Variants in MAP7 observed in about 807,000 individuals in gnomAD.
MAP7 encodes the protein microtubule associated protein 7.
In MAP7, 52 loss-of-function variants were observed where a neutral mutation model predicts 94.8. The observed-to-expected ratio is 0.55, with a 90% CI of 0.44 to 0.69. The LOEUF (loss-of-function observed/expected upper bound fraction) is 0.69, where lower values mean the gene tolerates loss of function less well. Among genes scored for constraint, MAP7 ranks in the 30% least tolerant of loss-of-function variants. The probability of loss-of-function intolerance (pLI) is 0.00; values close to 1 mark genes in which losing one functional copy is unlikely to be tolerated. For missense variants in MAP7, 940 were observed against 964.6 expected, an observed-to-expected ratio of 0.97 and a Z score of 0.34; for synonymous variants, 350 against 357.0, an observed-to-expected ratio of 0.98 and a Z score of 0.22.
At chr6:136,412,495 A>G (rs1348511464) in intron 2 of MAP7, among the ~76,000 whole-genome samples, 1 of 152,228 alleles carries the variant, frequency 6.6e-6, no homozygotes, top group Admixed American at 6.5e-5. Context: ...AAGGAAATGA[A>G]GGGGATTATG....
intron 1 of MAP7, among the ~76,000 whole-genome samples, chr6:136,439,965 T>A (rs1161726373): frequency 1.3e-5 from 2 of 152,194 alleles, no homozygotes; most frequent in African/African-American, 4.8e-5. Flanking sequence ...ATGGCTAGTT[T>A]AATAGTGCTG....
intron 6 of MAP7, among the ~76,000 whole-genome samples, chr6:136,378,631 A>G (rs1301901121): frequency 6.6e-6 from 1 of 152,198 alleles, no homozygotes; most frequent in Non-Finnish European, 1.5e-5. Flanking sequence ...GTGGATGCCT[A>G]AGAAGTCTAG....
At position 136,362,539 on chromosome 6, in the gene MAP7, G is replaced by C; in HGVS notation, c.1437C>G (p.Ala479=). 1 of 1,614,118 alleles carries C rather than the reference G, an allele frequency of 6.2e-7. No homozygotes were observed. Among genetic ancestry groups the C allele is most frequent in the South Asian group, 1.1e-5 (1 of 91,070 alleles). The change falls in exon 11 of 18, where the codon GCC becomes GCG. Residue 479 remains alanine, a synonymous_variant. Transcript: ENST00000354570. ...TSAGTTDPEE[A]TRLLAEKRRL... is the part of the protein sequence containing the mutation. ...GCCTCTTCTCAGCTAGAAGCCTTGT[G>C]GCCTCCTCTGGGTCGGTGGTGCCTG...
intron 13 of MAP7, 85 bp from the exon 14 acceptor site, chr6:136,360,116 T>TA (rs1792125596): frequency 7.5e-6 from 8 of 1,072,862 alleles, no homozygotes; most frequent in Middle Eastern, 2.1e-4. Context: ...ATAGATTATT[T>TA]AAAATGGTCT....
intron 1 of MAP7, among the ~76,000 whole-genome samples, chr6:136,457,869 C>T (rs770916445): frequency 9.2e-5 from 14 of 152,044 alleles, no homozygotes; most frequent in Non-Finnish European, 1.9e-4. Flanking sequence ...AAAACTATAC[C>T]TTTAAGATAA....
At chr6:136,478,405 AG>A (rs1455607590) in intron 1 of MAP7, among the ~76,000 whole-genome samples, 2 of 152,158 alleles carry the variant, frequency 1.3e-5, no homozygotes, top group Non-Finnish European at 2.9e-5. Context: ...CAAGACAGCA[AG>A]ACCCTGTCTG....
chr6:136,484,973 C>T (rs1478295939), intron 1 of MAP7, among the ~76,000 whole-genome samples: 1 of 152,178 alleles, frequency 6.6e-6, no homozygotes, highest in African/African-American at 2.4e-5. Flanking sequence ...GGATTACAGG[C>T]ATGAGCCACT....
intron 1 of MAP7, among the ~76,000 whole-genome samples, chr6:136,462,604 C>T (rs566737662): frequency 4.3e-4 from 65 of 152,206 alleles, no homozygotes; most frequent in African/African-American, 1.6e-3. Flanking sequence ...AGTTAAACTC[C>T]ATTTAACCGA....
chr6:136,496,090 G>T (rs977132533), intron 1 of MAP7, among the ~76,000 whole-genome samples: 2 of 152,130 alleles, frequency 1.3e-5, no homozygotes, highest in African/African-American at 4.8e-5. Flanking sequence ...TACTGAACAG[G>T]TATACTTCTT....
intron 1 of MAP7, among the ~76,000 whole-genome samples, chr6:136,451,988 G>A (rs1049622845): frequency 6.6e-6 from 1 of 152,054 alleles, no homozygotes; most frequent in South Asian, 2.1e-4. Context: ...TGAGATCAGG[G>A]GTTCAAGACC....
intron 1 of MAP7, among the ~76,000 whole-genome samples, chr6:136,523,209 T>C (rs1265308587): frequency 6.6e-6 from 1 of 152,238 alleles, no homozygotes; most frequent in Non-Finnish European, 1.5e-5. Context: ...TGTGTTCTCA[T>C]GCAGTACAGA....
At chr6:136,522,110 C>G (rs528213264) in intron 1 of MAP7, among the ~76,000 whole-genome samples, 4 of 152,318 alleles carry the variant, frequency 2.6e-5, no homozygotes, top group African/African-American at 9.6e-5. Context: ...AATTCACCGT[C>G]TAAGGCAGGT....
At chr6:136,346,857 C>A (rs1325102812) in intron 16 of MAP7, among the ~76,000 whole-genome samples, 1 of 152,166 alleles carries the variant, frequency 6.6e-6, no homozygotes, top group East Asian at 1.9e-4. Flanking sequence ...ATCTCTTAAT[C>A]TCTGGTCCTG....
intron 7 of MAP7, 104 bp from the exon 8 acceptor site, chr6:136,372,729 G>T (rs961576583): frequency 1.4e-6 from 2 of 1,451,402 alleles, no homozygotes; most frequent in African/African-American, 2.8e-5. Context: ...TTCAGGAAAA[G>T]GAGCAAAGCA....
At chr6:136,515,833 G>A (rs893322277) in intron 1 of MAP7, among the ~76,000 whole-genome samples, 2 of 152,212 alleles carry the variant, frequency 1.3e-5, no homozygotes, top group Non-Finnish European at 1.5e-5. Context: ...AATATGTGAT[G>A]CAGAGATGAG....
At chr6:136,380,172 T>C (rs1334663657) in intron 6 of MAP7, among the ~76,000 whole-genome samples, 1 of 152,200 alleles carries the variant, frequency 6.6e-6, no homozygotes, top group Non-Finnish European at 1.5e-5. Flanking sequence ...GCCACCCAGA[T>C]GAAGAGAGGC....
chr6:136,446,309 G>T (rs975580397), intron 1 of MAP7, among the ~76,000 whole-genome samples: 1 of 150,862 alleles, frequency 6.6e-6, no homozygotes, highest in African/African-American at 2.4e-5. Context: ...GGTGGATAGG[G>T]CACAGCAGAT....
At chr6:136,478,508 ATGAAGCAC>A in intron 1 of MAP7, among the ~76,000 whole-genome samples, 1 of 152,160 alleles carries the variant, frequency 6.6e-6, no homozygotes, top group East Asian at 1.9e-4. Flanking sequence ...GATTAACAAA[ATGAAGCAC>A]TGGTTTTTTG....
chr6:136,513,424 G>A (rs1232013503), intron 1 of MAP7, among the ~76,000 whole-genome samples: 4 of 152,168 alleles, frequency 2.6e-5, no homozygotes, highest in Non-Finnish European at 4.4e-5. Flanking sequence ...TCCATAAGAA[G>A]AAACTAATCT....
Sources: gnomAD v4.1 joint callset for allele counts (sites outside exome capture counted in the v4.1 genomes callset) on GRCh38, gnomAD v4.1.1 for gene constraint, MANE v1.5 for transcripts, NCBI Gene and HGNC (gene_info 2026-07-23, HGNC 2026-07-21) for gene names.